POLR2B: variants seen among roughly 807,000 people sequenced by gnomAD.
The protein encoded by POLR2B is DNA-directed RNA polymerase II subunit RPB2.
POLR2B carries 57 observed loss-of-function variants against 144.6 expected under a neutral mutation model. That is an observed-to-expected ratio of 0.39 (90% CI 0.32 to 0.49). The LOEUF (loss-of-function observed/expected upper bound fraction) is 0.49. Ranked by LOEUF, POLR2B falls within the 20% of genes least tolerant of loss-of-function variation. POLR2B has a pLI of 0.83. For synonymous variants in POLR2B, 442 were observed against 469.8 expected, an observed-to-expected ratio of 0.94 and a Z score of 0.77; for missense variants, 595 against 1,467.4, an observed-to-expected ratio of 0.41 and a Z score of 9.71.
intron 7 of POLR2B, among the ~76,000 whole-genome samples, chr4:57,003,276 A>C (rs941282276): frequency 6.6e-6 from 1 of 152,148 alleles, no homozygotes; most frequent in South Asian, 2.1e-4. Flanking sequence ...CTAAAAATAC[A>C]AAAATTAGCT....
chr4:57,014,952 C>T (rs776309107), intron 13 of POLR2B, among the ~76,000 whole-genome samples: 1 of 152,050 alleles, frequency 6.6e-6, no homozygotes, highest in Non-Finnish European at 1.5e-5. Context: ...ATACTTACAA[C>T]ACATCTCAGT....
rs74826274 is a variant in POLR2B, at chr4:57,002,268, G to A, written c.900+2487G>A. ...GATCTTAAACTCCTGAGCTCAAGTGGTTCACCATCCTCGGGCTCCTGAAGT... is the reference window on the plus strand; with the variant it reads ...GATCTTAAACTCCTGAGCTCAAGTGATTCACCATCCTCGGGCTCCTGAAGT... On this transcript the variant is annotated intron_variant, in intron 7 of 24. Coordinates refer to ENST00000314595, the MANE Select transcript of POLR2B (RefSeq NM_000938.3). 6.1e-3 allele frequency among the ~76,000 whole-genome samples: 930 copies of A among 152,186 alleles called. 11 individuals carry two copies. Among genetic ancestry groups the A allele is most frequent in the African/African-American group, 0.022 (894 of 41,514 alleles).
At chr4:57,026,219 CAG>C (rs1244695425) in intron 23 of POLR2B, among the ~76,000 whole-genome samples, 1 of 152,056 alleles carries the variant, frequency 6.6e-6, no homozygotes, top group African/African-American at 2.4e-5. Flanking sequence ...GCCTGGGTGA[CAG>C]AGTGAGACTT....
intron 10 of POLR2B, among the ~76,000 whole-genome samples, chr4:57,009,333 T>C (rs1026085634): frequency 6.6e-6 from 1 of 151,764 alleles, no homozygotes; most frequent in Non-Finnish European, 1.5e-5. Flanking sequence ...GAGGTGAGGG[T>C]GTATGGTGAT....
At chr4:56,989,029 GA>G (rs921982088) in intron 2 of POLR2B, among the ~76,000 whole-genome samples, 2 of 152,018 alleles carry the variant, frequency 1.3e-5, no homozygotes, top group African/African-American at 2.4e-5. Context: ...AATGAATTTT[GA>G]TTTTTTTTTA....
intron 1 of POLR2B, among the ~76,000 whole-genome samples, chr4:56,979,916 T>A (rs75667798): frequency 6.8e-6 from 1 of 146,516 alleles, no homozygotes; most frequent in Non-Finnish European, 1.5e-5. Context: ...AAAAAAAAAT[T>A]CTTAGTTGAG....
Position 57,010,157 on chromosome 4 carries a change from G to A in POLR2B, c.1405-204G>A, listed in dbSNP as rs967168007. ...TGGAGACCATAAACAGAATGTTTATGTGGTATGTTTGAATATATTTGCCAT... is the reference window on the plus strand; with the variant it reads ...TGGAGACCATAAACAGAATGTTTATATGGTATGTTTGAATATATTTGCCAT... On this transcript the variant is annotated intron_variant, in intron 10 of 24. Coordinates refer to ENST00000314595, the MANE Select transcript of POLR2B (RefSeq NM_000938.3). 23 of 524,508 alleles carry A rather than the reference G, an allele frequency of 4.4e-5. No homozygotes were observed. The East Asian group carries it at 5.0e-4, about 11-fold the overall frequency. The allele number at this position is 524,508 out of a possible 1,614,324, so 32.5% of individuals were successfully genotyped here.
intron 1 of POLR2B, among the ~76,000 whole-genome samples, chr4:56,980,495 G>A (rs1722123595): frequency 1.3e-5 from 2 of 152,260 alleles, no homozygotes; most frequent in South Asian, 4.1e-4. Flanking sequence ...TCTGAGGCGG[G>A]TGGATTACTT....
chr4:57,023,857 C>A lies in POLR2B; in HGVS notation c.2856+106C>A. 1 of 854,846 alleles carries A rather than the reference C, an allele frequency of 1.2e-6. No individual in the cohort carries two copies. Among genetic ancestry groups the A allele is most frequent in the Non-Finnish European group, 1.8e-6 (1 of 540,626 alleles). The allele number at this position is 854,846 out of a possible 1,614,324, so 53.0% of individuals were successfully genotyped here. Reference sequence around the variant, plus strand: ...GAGCTCAAAGATGATACAGGTTGAACTTTTTGATTTTATTGTTGAATAAGT... The same window carrying A: ...GAGCTCAAAGATGATACAGGTTGAAATTTTTGATTTTATTGTTGAATAAGT... On this transcript the variant is annotated intron_variant, in intron 20 of 24. Coordinates refer to ENST00000314595, the MANE Select transcript of POLR2B (RefSeq NM_000938.3). This position sits in a 1 kb window ranked among gnomAD's most constrained non-coding sequence, Gnocchi z 4.3.
At chr4:57,004,447 G>T (rs1291119202) in intron 7 of POLR2B, among the ~76,000 whole-genome samples, 4 of 150,926 alleles carry the variant, frequency 2.7e-5, no homozygotes, top group Non-Finnish European at 5.9e-5. Flanking sequence ...TCCCTGGGTG[G>T]TCTTGAACTC....
chr4:56,998,046 T>A (rs567348378), intron 6 of POLR2B, among the ~76,000 whole-genome samples: 1 of 152,206 alleles, frequency 6.6e-6, no homozygotes, highest in African/African-American at 2.4e-5. Context: ...TGATCTGGAT[T>A]TGATGATAGG....
intron 14 of POLR2B, among the ~76,000 whole-genome samples, 157 bp from the exon 15 acceptor site, chr4:57,016,886 T>C (rs1169555368): frequency 2.7e-5 from 4 of 148,328 alleles, no homozygotes; most frequent in African/African-American, 4.9e-5. Flanking sequence ...TGGTCAGTTA[T>C]ATATAATATT....
intron 1 of POLR2B, among the ~76,000 whole-genome samples, chr4:56,980,169 G>C (rs958486329): frequency 6.7e-6 from 1 of 149,952 alleles, no homozygotes; most frequent in Non-Finnish European, 1.5e-5. Flanking sequence ...CAAACCATCT[G>C]CCTGTCTCGG....
At chr4:56,994,125 C>T (rs1383472110) in intron 3 of POLR2B, among the ~76,000 whole-genome samples, 3 of 152,090 alleles carry the variant, frequency 2.0e-5, no homozygotes, top group African/African-American at 7.2e-5. Flanking sequence ...GATGTGCCTT[C>T]CTTAAACCTT....
chr4:57,004,109 C>T (rs1364352253), intron 7 of POLR2B, among the ~76,000 whole-genome samples: 1 of 149,720 alleles, frequency 6.7e-6, no homozygotes, highest in African/African-American at 2.5e-5. Context: ...TCACTGCAAC[C>T]TCCACCTCCC....
chr4:57,009,415 T>G (rs1723121944), intron 10 of POLR2B: 1 of 152,368 alleles, frequency 6.6e-6, no homozygotes, highest in South Asian at 2.1e-4. Context: ...GAGGAGGACT[T>G]TAATGTTGTG....
intron 2 of POLR2B, among the ~76,000 whole-genome samples, chr4:56,987,766 C>G (rs1432480824): frequency 6.6e-6 from 1 of 151,990 alleles, no homozygotes; most frequent in African/African-American, 2.4e-5. Context: ...CCTGTAATCC[C>G]AGCTACTTGG....
intron 1 of POLR2B, among the ~76,000 whole-genome samples, chr4:56,981,387 G>A (rs1722154406): frequency 6.6e-6 from 1 of 152,032 alleles, no homozygotes; most frequent in Non-Finnish European, 1.5e-5. Context: ...AATCTTGTAC[G>A]TATAATTTGC....
chr4:57,025,257 A>G, intron 22 of POLR2B, 120 bp from the exon 23 acceptor site: 1 of 796,614 alleles, frequency 1.3e-6, no homozygotes. Flanking sequence ...AATTGCTAAC[A>G]TTATAGATTA....
Sources: allele counts gnomAD v4.1 joint callset (sites outside exome capture counted in the v4.1 genomes callset), GRCh38; gene constraint gnomAD v4.1.1; non-coding constraint Gnocchi (gnomAD v3.1); transcripts MANE v1.5; gene names NCBI Gene and HGNC (gene_info 2026-07-23, HGNC 2026-07-21).